The following SEC63 variants were observed in gnomAD, a reference collection of about 807,000 sequenced individuals.
SEC63 encodes SEC63 protein translocation regulator.
In SEC63, 56 loss-of-function variants were observed where a neutral mutation model predicts 116.2. The ratio of observed to expected loss-of-function variants is 0.48; its 90% CI spans 0.39 to 0.60. The LOEUF is 0.60. Among genes scored for constraint, SEC63 ranks in the 20% least tolerant of loss-of-function variants. SEC63 has a pLI of 0.00. For missense variants in SEC63, 668 were observed against 900.0 expected (o/e 0.74, Z 3.30); for synonymous variants, 273 against 294.6 (o/e 0.93, Z 0.75).
chr6:107,879,045 C>A (rs546160214), intron 18 of SEC63, among the ~76,000 whole-genome samples: 1 of 152,288 alleles, frequency 6.6e-6, no homozygotes, highest in South Asian at 2.1e-4. Flanking sequence ...ACGAATTTCA[C>A]TAACATGTAA....
chr6:107,909,087 G>C (rs938820139), intron 7 of SEC63, 52 bp from the exon 8 acceptor site: 1 of 1,282,962 alleles, frequency 7.8e-7, no homozygotes, highest in Non-Finnish European at 1.1e-6. Flanking sequence ...ACTACGATAG[G>C]CTGGGCGAGA....
chr6:107,921,988 A>AT, intron 3 of SEC63, 79 bp from the exon 4 acceptor site: 1 of 836,510 alleles, frequency 1.2e-6, no homozygotes, highest in Non-Finnish European at 2.0e-6. Context: ...AATCAATCCT[A>AT]TTTTGAACTT....
chr6:107,876,688 A>AAAAT (rs779020589), intron 18 of SEC63, 26 bp from the exon 19 acceptor site: 2 of 1,411,990 alleles, frequency 1.4e-6, no homozygotes. Flanking sequence ...AAAAAAAAAA[A>AAAAT]AGAAGAGGGG....
chr6:107,922,489 G>A (rs1045672132), intron 3 of SEC63, among the ~76,000 whole-genome samples: 1 of 152,228 alleles, frequency 6.6e-6, no homozygotes, highest in Non-Finnish European at 1.5e-5. Context: ...CTAGCTGACA[G>A]AGTGAGACTT....
intron 13 of SEC63, among the ~76,000 whole-genome samples, chr6:107,899,362 A>G (rs1339881168): frequency 5.3e-5 from 8 of 152,212 alleles, no homozygotes. Flanking sequence ...GTGAGGCCGA[A>G]CACTCTTAAA....
At chr6:107,925,609 A>G (rs1787657928) in intron 2 of SEC63, among the ~76,000 whole-genome samples, 1 of 152,244 alleles carries the variant, frequency 6.6e-6, no homozygotes, top group South Asian at 2.1e-4. Context: ...AAAATTATGT[A>G]AAAGATTAAC....
At chr6:107,950,863 C>T (rs569403108) in intron 1 of SEC63, among the ~76,000 whole-genome samples, 7 of 152,164 alleles carry the variant, frequency 4.6e-5, no homozygotes, top group African/African-American at 7.2e-5. Flanking sequence ...CCATAACCTA[C>T]GGAAAGAATA....
At chr6:107,903,160 A>C in intron 11 of SEC63, 162 bp from the exon 12 acceptor site, 2 of 720,554 alleles carry the variant, frequency 2.8e-6, no homozygotes, top group Non-Finnish European at 4.8e-6. Flanking sequence ...GACACTAAAA[A>C]TATACAAACT....
At chr6:107,882,090 C>A (rs963950008) in intron 17 of SEC63, among the ~76,000 whole-genome samples, 1 of 152,164 alleles carries the variant, frequency 6.6e-6, no homozygotes, top group African/African-American at 2.4e-5. Flanking sequence ...AGTACAAAAA[C>A]AGCCAAGGCC....
In SEC63 at chr6:107,954,276, G is replaced by A. The variant is rs531017329; in HGVS notation, c.124+3610C>T. Reference sequence around the variant, plus strand: ...ACAGATGCTTGAAGGCAGCATGCTCGTTAAGAGTCATCACCACTCCCTAAT... The same window carrying A: ...ACAGATGCTTGAAGGCAGCATGCTCATTAAGAGTCATCACCACTCCCTAAT... On this transcript the variant is annotated intron_variant, in intron 1 of 20. Transcript: ENST00000369002. 3.1e-3 allele frequency among the ~76,000 whole-genome samples: 472 copies of A among 151,596 alleles called. 4 individuals carry two copies. Among genetic ancestry groups the A allele is most frequent in the African/African-American group, 0.011 (443 of 41,222 alleles).
At chr6:107,917,842 G>A (rs527428968) in intron 4 of SEC63, among the ~76,000 whole-genome samples, 2 of 152,208 alleles carry the variant, frequency 1.3e-5, no homozygotes, top group Non-Finnish European at 2.9e-5. Flanking sequence ...TACAACAGAA[G>A]TGCAAGGTGA....
intron 5 of SEC63, among the ~76,000 whole-genome samples, chr6:107,913,100 A>AT (rs1787322635): frequency 6.6e-6 from 1 of 152,198 alleles, no homozygotes; most frequent in Admixed American, 6.5e-5. Flanking sequence ...GTAAAGAAAA[A>AT]TAAGATTTTT....
chr6:107,876,376 C>A (rs1786266640), intron 19 of SEC63, among the ~76,000 whole-genome samples, 188 bp downstream of exon 19: 1 of 152,070 alleles, frequency 6.6e-6, no homozygotes, highest in Admixed American at 6.6e-5. Flanking sequence ...AAGTTGCCTA[C>A]CTTTAACAAT....
intron 12 of SEC63, among the ~76,000 whole-genome samples, chr6:107,902,200 A>T (rs1473418953): frequency 6.6e-6 from 1 of 152,172 alleles, no homozygotes; most frequent in East Asian, 1.9e-4. Flanking sequence ...TAAGGGGAAC[A>T]TGAGTACTTA....
At chr6:107,946,945 A>C (rs1203834404) in intron 1 of SEC63, among the ~76,000 whole-genome samples, 1 of 152,230 alleles carries the variant, frequency 6.6e-6, no homozygotes, top group Non-Finnish European at 1.5e-5. Context: ...CAGAGGTTGC[A>C]GTGAGTTGAG....
At chr6:107,934,795 G>A (rs1313147994) in intron 1 of SEC63, among the ~76,000 whole-genome samples, 1 of 9,364 alleles carries the variant, frequency 1.1e-4, no homozygotes, top group Non-Finnish European at 2.2e-4. Flanking sequence ...CGCCCCTACT[G>A]GGAAGTGAGG....
chr6:107,893,255 G>T (rs1583734259), intron 16 of SEC63, among the ~76,000 whole-genome samples: 1 of 151,926 alleles, frequency 6.6e-6, no homozygotes, highest in African/African-American at 2.4e-5. Flanking sequence ...ATGACCTTTA[G>T]GAATAGGCAA....
intron 16 of SEC63, among the ~76,000 whole-genome samples, chr6:107,891,616 T>C (rs1454331336): frequency 2.6e-5 from 4 of 152,116 alleles, no homozygotes; most frequent in Admixed American, 2.6e-4. Flanking sequence ...GGTGAGGAGC[T>C]GTGATCCTTT....
chr6:107,933,919 C>T (rs567972138), intron 1 of SEC63, among the ~76,000 whole-genome samples: 18 of 152,342 alleles, frequency 1.2e-4, no homozygotes, highest in Admixed American at 4.6e-4. Context: ...GACGGGGTTT[C>T]GCTGTGTTGG....
Sources: gnomAD v4.1 joint callset for allele counts (sites outside exome capture counted in the v4.1 genomes callset) on GRCh38, gnomAD v4.1.1 for gene constraint, MANE v1.5 for transcripts, NCBI Gene and HGNC (gene_info 2026-07-23, HGNC 2026-07-21) for gene names.